Variants in OTUD7A observed in about 807,000 individuals in gnomAD.
OTUD7A encodes the protein OTU deubiquitinase 7A, also known as OTU domain-containing protein 7A.
A neutral mutation model predicts 65.7 loss-of-function variants in OTUD7A; 12 were observed. The ratio of observed to expected loss-of-function variants is 0.18; its 90% confidence interval spans 0.12 to 0.30. OTUD7A has a LOEUF of 0.30. OTUD7A is among the 10% of genes least tolerant of loss of function. The probability of loss-of-function intolerance (pLI) is 1.00; values close to 1 mark genes in which losing one functional copy is unlikely to be tolerated. For synonymous variants in OTUD7A, 641 were observed against 586.3 expected, an observed-to-expected ratio of 1.09 and a Z score of -1.35; for missense variants, 1,148 against 1,304.8, an observed-to-expected ratio of 0.88 and a Z score of 1.85.
At chr15:31,837,372 C>CAAAAAA (rs57479397) in intron 1 of OTUD7A, among the ~76,000 whole-genome samples, 3 of 120,320 alleles carry the variant, frequency 2.5e-5, no homozygotes, top group African/African-American at 9.7e-5. Flanking sequence ...ACTAAAAATA[C>CAAAAAA]AAAAAAAAAA....
chr15:31,534,813 G>T (rs1887743799), intron 5 of OTUD7A, among the ~76,000 whole-genome samples: 1 of 152,158 alleles, frequency 6.6e-6, no homozygotes, highest in Middle Eastern at 3.2e-3. Flanking sequence ...TGTGTATACT[G>T]AAGTCTGATA....
chr15:31,581,325 C>T (rs1376482844), intron 3 of OTUD7A, among the ~76,000 whole-genome samples: 3 of 152,204 alleles, frequency 2.0e-5, no homozygotes, highest in Non-Finnish European at 4.4e-5. Flanking sequence ...GTGCACAGTG[C>T]AAGCTGTTGG....
chr15:31,598,624 C>T (rs1387819748), intron 3 of OTUD7A, among the ~76,000 whole-genome samples: 1 of 152,068 alleles, frequency 6.6e-6, no homozygotes, highest in Admixed American at 6.5e-5. Flanking sequence ...TTTTTCCATA[C>T]CCCAGTGGTG....
chr15:31,505,481 A>G (rs2041545606), intron 8 of OTUD7A, among the ~76,000 whole-genome samples: 1 of 152,142 alleles, frequency 6.6e-6, no homozygotes, highest in South Asian at 2.1e-4. Context: ...AGAAGTTACT[A>G]TTTATTTTTA....
chr15:31,824,119 C>G (rs751948050), intron 1 of OTUD7A, among the ~76,000 whole-genome samples: 18 of 152,190 alleles, frequency 1.2e-4, no homozygotes, highest in Non-Finnish European at 2.4e-4. Context: ...GTTAGAGCAC[C>G]AGCAAAGCAG....
intron 1 of OTUD7A, among the ~76,000 whole-genome samples, chr15:31,779,102 A>AT (rs1380177313): frequency 1.3e-5 from 2 of 152,172 alleles, no homozygotes; most frequent in African/African-American, 4.8e-5. Context: ...ATTTTAGAAG[A>AT]TTGTCTTCCC....
At chr15:31,823,389 C>T (rs566391810) in intron 1 of OTUD7A, among the ~76,000 whole-genome samples, 2 of 152,306 alleles carry the variant, frequency 1.3e-5, no homozygotes, top group African/African-American at 4.8e-5. Flanking sequence ...GCTGCTTAAA[C>T]AAAATAGCTA....
At chr15:31,583,612 T>G (rs1889439988) in intron 3 of OTUD7A, among the ~76,000 whole-genome samples, 1 of 151,870 alleles carries the variant, frequency 6.6e-6, no homozygotes. Flanking sequence ...TGCTTGGTTC[T>G]CATTCTCTCT....
At chr15:31,792,386 A>G (rs979672533) in intron 1 of OTUD7A, among the ~76,000 whole-genome samples, 1 of 152,004 alleles carries the variant, frequency 6.6e-6, no homozygotes, top group Non-Finnish European at 1.5e-5. Flanking sequence ...CCCATACTCC[A>G]TGGCCAGGCT....
rs536819368 is a variant in OTUD7A at position 31,847,218 on chromosome 15, T to C, written c.-100+23289A>G. 2.3e-4 allele frequency among the ~76,000 whole-genome samples: 35 copies of C among 152,354 alleles called. No homozygotes were observed. In the South Asian group the frequency reaches 7.0e-3, roughly 31 times the overall value. Reference sequence around the variant, plus strand: ...CCCAGGTGTAAATACAGTTCATACATGCTGCATGCTTCTGAAACAATTCCA... The same window carrying C: ...CCCAGGTGTAAATACAGTTCATACACGCTGCATGCTTCTGAAACAATTCCA... On this transcript the variant is annotated intron_variant, in intron 1 of 12. Coordinates refer to ENST00000307050, the MANE Select transcript of OTUD7A (RefSeq NM_001382637.1).
At chr15:31,667,949 T>C (rs1892366478) in intron 1 of OTUD7A, among the ~76,000 whole-genome samples, 1 of 152,204 alleles carries the variant, frequency 6.6e-6, no homozygotes, top group Admixed American at 6.5e-5. Flanking sequence ...ATGGTTTCAT[T>C]TGAGGATACT....
intron 9 of OTUD7A, among the ~76,000 whole-genome samples, chr15:31,502,079 T>C (rs1339017856): frequency 1.3e-5 from 2 of 152,214 alleles, no homozygotes; most frequent in Admixed American, 6.5e-5. Context: ...AGGGCTGGGA[T>C]GACAGTCACC....
chr15:31,641,183 C>T (rs899603377), intron 3 of OTUD7A, among the ~76,000 whole-genome samples: 2 of 151,954 alleles, frequency 1.3e-5, no homozygotes, highest in Non-Finnish European at 2.9e-5. Context: ...AAGTGTCTGG[C>T]CTCTCCCCTG....
chr15:31,488,555 A>G (rs2041272221), intron 10 of OTUD7A, among the ~76,000 whole-genome samples: 2 of 152,100 alleles, frequency 1.3e-5, no homozygotes, highest in Non-Finnish European at 2.9e-5. Flanking sequence ...GGCTCCACTT[A>G]GCTCCCCTGC....
chr15:31,509,740 ATTAC>A (rs2041649818), intron 8 of OTUD7A, among the ~76,000 whole-genome samples: 1 of 151,400 alleles, frequency 6.6e-6, no homozygotes. Flanking sequence ...AGGAGGCCTA[ATTAC>A]TTTTAAATTA....
chr15:31,814,552 C>T (rs1385275672), intron 1 of OTUD7A, among the ~76,000 whole-genome samples: 2 of 149,736 alleles, frequency 1.3e-5, no homozygotes, highest in Admixed American at 6.7e-5. Flanking sequence ...GAGACAGAGT[C>T]TCGCTTTGTT....
chr15:31,762,322 C>T (rs1171403587), intron 1 of OTUD7A, among the ~76,000 whole-genome samples: 2 of 152,182 alleles, frequency 1.3e-5, no homozygotes, highest in African/African-American at 2.4e-5. Context: ...GGAGCAAATC[C>T]TCATTGCTTT....
chr15:31,851,890 G>A (rs190042611), intron 1 of OTUD7A, among the ~76,000 whole-genome samples: 12 of 152,244 alleles, frequency 7.9e-5, no homozygotes, highest in East Asian at 7.7e-4. Flanking sequence ...ACAGGGTGTC[G>A]CTCTGTCGCC....
At chr15:31,501,869 A>G in intron 9 of OTUD7A, 30 bp from the exon 10 acceptor site, 2 of 1,581,606 alleles carry the variant, frequency 1.3e-6, no homozygotes, top group South Asian at 2.3e-5. Flanking sequence ...TGAGGGTGTG[A>G]GGAGCAGCCA....
Sources: allele counts gnomAD v4.1 joint callset (sites outside exome capture counted in the v4.1 genomes callset), GRCh38; gene constraint gnomAD v4.1.1; transcripts MANE v1.5; gene names NCBI Gene and HGNC (gene_info 2026-07-23, HGNC 2026-07-21).